NUDT5: variants seen among roughly 807,000 people sequenced by gnomAD.
NUDT5 encodes ADP-sugar pyrophosphatase.
A neutral mutation model predicts 34.1 loss-of-function variants in NUDT5; 21 were observed. The observed-to-expected ratio is 0.62, with a 90% CI of 0.44 to 0.89. The LOEUF (loss-of-function observed/expected upper bound fraction) is 0.89, where lower values mean the gene tolerates loss of function less well. Among genes scored for constraint, NUDT5 ranks in the 40% least tolerant of loss-of-function variants. The pLI, the probability that NUDT5 is intolerant of heterozygous loss-of-function variation, is 0.00. For synonymous variants in NUDT5, 85 were observed against 97.6 expected (o/e 0.87, Z 0.76); for missense variants, 249 against 274.8 (o/e 0.91, Z 0.66).
rs1223525330 is a variant in NUDT5, at chr10:12,170,451, G to T, written c.550+266C>A. On this transcript the variant is annotated intron_variant, in intron 9 of 9. Transcript: ENST00000491614. The surrounding 1 kb of genome is among the most constrained non-coding windows in gnomAD (Gnocchi z 4.9). ...GTAGAATCGTTTTGGCTACTCAGCAGGAATGTCATCTGGGCCATTCTGTAG... is the reference window on the plus strand; with the variant it reads ...GTAGAATCGTTTTGGCTACTCAGCATGAATGTCATCTGGGCCATTCTGTAG... 5 of 615,336 alleles carry T rather than the reference G, an allele frequency of 8.1e-6. No individual in the cohort carries two copies. Among genetic ancestry groups the T allele is most frequent in the Non-Finnish European group, 1.4e-5 (5 of 349,976 alleles). The allele number at this position is 615,336 out of a possible 1,614,324, so 38.1% of individuals were successfully genotyped here.
chr10:12,186,105 G>A lies in NUDT5; in HGVS notation c.63+124C>T, dbSNP rs559768807. 3.4e-5 allele frequency: 27 copies of A among 789,460 alleles called. No individual in the cohort carries two copies. In the African/African-American group the frequency reaches 4.5e-4, roughly 13 times the overall value. The allele number at this position is 789,460 out of a possible 1,614,324, so 48.9% of individuals were successfully genotyped here. ...AATGTGCCCGAGCCCAAAAAAGGGA[G>A]TAGGAAAAATCTTTACAACTGTCTT... On this transcript the variant is annotated intron_variant, in intron 2 of 9. Coordinates refer to ENST00000491614, the MANE Select transcript of NUDT5 (RefSeq NM_014142.4).
chr10:12,174,162 G>A (rs974701014), intron 5 of NUDT5, among the ~76,000 whole-genome samples: 14 of 149,304 alleles, frequency 9.4e-5, no homozygotes, highest in South Asian at 4.3e-4. Flanking sequence ...CACTGCGCCC[G>A]GCTGAACCCC....
intron 1 of NUDT5, among the ~76,000 whole-genome samples, chr10:12,193,224 C>T (rs1357763029): frequency 2.0e-5 from 3 of 151,946 alleles, no homozygotes; most frequent in African/African-American, 2.4e-5. Flanking sequence ...TTAATTTCCA[C>T]GAAGACAGTT....
rs1438493070 is a variant in NUDT5 at position 12,169,753 on chromosome 10, C to A, written c.550+964G>T. On this transcript the variant is annotated intron_variant, in intron 9 of 9. Transcript: ENST00000491614. This position sits in a 1 kb window ranked among gnomAD's most constrained non-coding sequence, Gnocchi z 4.8. ...AGACACATTCAGATTTTCAAACAAA[C>A]AACAGACAATTCAAAACCAGGCGCT... 2.6e-5 allele frequency: 6 copies of A among 234,766 alleles called. No homozygotes were observed. Among genetic ancestry groups the A allele is most frequent in the Non-Finnish European group, 4.9e-5 (6 of 122,606 alleles). 14.5% of individuals were successfully genotyped at this position (234,766 alleles called of 1,614,324 possible). A position where few individuals can be genotyped will look rare whatever the true frequency, so the allele number is the denominator to read the frequency against.
intron 1 of NUDT5, among the ~76,000 whole-genome samples, chr10:12,189,331 C>T (rs1216248520): frequency 6.6e-6 from 1 of 152,174 alleles, no homozygotes; most frequent in Non-Finnish European, 1.5e-5. Flanking sequence ...GCCTCGAACT[C>T]CTGACCTCAG....
Position 12,170,064 on chromosome 10 carries a change from C to A in NUDT5, c.550+653G>T. ...TCTCCATACAGTATCTCCTCGTCTC[C>A]ACACAGTATCTCCTCATGTCTCCAT... On this transcript the variant is annotated intron_variant, in intron 9 of 9. Coordinates refer to ENST00000491614, the MANE Select transcript of NUDT5 (RefSeq NM_014142.4). This position sits in a 1 kb window ranked among gnomAD's most constrained non-coding sequence, Gnocchi z 4.9. The A allele has an allele frequency of 6.3e-7, 1 of 1,584,334 alleles. No individual in the cohort carries two copies. Among genetic ancestry groups the A allele is most frequent in the Non-Finnish European group, 8.7e-7 (1 of 1,154,144 alleles).
rs1029504464 is a variant in NUDT5 at position 12,169,920 on chromosome 10, C to T, written c.550+797G>A. 1.9e-6 allele frequency: 1 copy of T among 513,522 alleles called. No individual in the cohort carries two copies. The highest frequency in any genetic ancestry group is 3.5e-6 in the Non-Finnish European group (1 of 288,498). 31.8% of individuals were successfully genotyped at this position (513,522 alleles called of 1,614,324 possible). ...CAGTAGAAAAATCAGTTATCAATTA[C>T]CTAAAACACTTATACCCAATAAAAT... is the stretch of plus-strand genomic sequence containing the variant. On this transcript the variant is annotated intron_variant, in intron 9 of 9. Transcript: ENST00000491614. The surrounding 1 kb of genome is among the most constrained non-coding windows in gnomAD (Gnocchi z 4.8).
intron 1 of NUDT5, among the ~76,000 whole-genome samples, chr10:12,194,040 C>T (rs935207386): frequency 6.6e-5 from 10 of 152,318 alleles, no homozygotes; most frequent in African/African-American, 2.2e-4. Context: ...ACACGCCCGG[C>T]TAATTTTTGA....
chr10:12,177,495 G>A (rs1023338999), intron 5 of NUDT5, among the ~76,000 whole-genome samples: 1 of 152,216 alleles, frequency 6.6e-6, no homozygotes. Flanking sequence ...CTCCAGCCTG[G>A]GTGATAGAGC....
In NUDT5 at chr10:12,168,388, T is replaced by C. The variant is rs186617001; in HGVS notation, c.551-577A>G. On this transcript the variant is annotated intron_variant, in intron 9 of 9. Transcript: ENST00000491614. The surrounding 1 kb of genome is among the most constrained non-coding windows in gnomAD (Gnocchi z 4.8). Reference sequence around the variant, plus strand: ...GTATAGAGCCAATCGCTATACCTCATTTATAGCTGGGGTAGGGCTTTGCTT... The same window carrying C: ...GTATAGAGCCAATCGCTATACCTCACTTATAGCTGGGGTAGGGCTTTGCTT... Among the ~76,000 whole-genome samples, 3 of 152,184 alleles carry C rather than the reference T, an allele frequency of 2.0e-5. No homozygotes were observed. The highest frequency in any genetic ancestry group is 4.4e-5 in the Non-Finnish European group (3 of 68,026).
At chr10:12,188,728 TAAAAAAAAAAAA>T (rs1230471724) in intron 1 of NUDT5, among the ~76,000 whole-genome samples, 1 of 74,692 alleles carries the variant, frequency 1.3e-5, no homozygotes, top group Non-Finnish European at 2.3e-5. Flanking sequence ...AGACTCCATC[TAAAAAAAAAAAA>T]AAAAAAAAAA....
In NUDT5 at chr10:12,170,148, A is replaced by G. The variant is rs1834824323; in HGVS notation, c.550+569T>C. The G allele has an allele frequency of 6.2e-7, 1 of 1,612,684 alleles. No individual in the cohort carries two copies. On this transcript the variant is annotated intron_variant, in intron 9 of 9. Transcript: ENST00000491614. This position sits in a 1 kb window ranked among gnomAD's most constrained non-coding sequence, Gnocchi z 4.9. The stretch of plus-strand genomic sequence containing the variant: ...TTTTCTCCCCATAAGCTTACTGTTT[A>G]CAAAGTCTCTAAAAGATGGGTGGCC...
chr10:12,169,950 C>T lies in NUDT5; in HGVS notation c.550+767G>A. Reference sequence around the variant, plus strand: ...AACACTTATACCCAATAAAATATTCCCATGATGACAAGTGTCTGCTTCTTT... The same window carrying T: ...AACACTTATACCCAATAAAATATTCTCATGATGACAAGTGTCTGCTTCTTT... On this transcript the variant is annotated intron_variant, in intron 9 of 9. Transcript: ENST00000491614. This position sits in a 1 kb window ranked among gnomAD's most constrained non-coding sequence, Gnocchi z 4.8. 1 of 607,076 alleles carries T rather than the reference C, an allele frequency of 1.6e-6. No homozygotes were observed. Among genetic ancestry groups the T allele is most frequent in the East Asian group, 2.6e-5 (1 of 37,762 alleles). 37.6% of individuals were successfully genotyped at this position (607,076 alleles called of 1,614,324 possible).
chr10:12,169,750 AAAC>A lies in NUDT5; in HGVS notation c.550+964_550+966del. 1 of 231,746 alleles carries A rather than the reference AAAC, an allele frequency of 4.3e-6. No homozygotes were observed. Among genetic ancestry groups the A allele is most frequent in the Non-Finnish European group, 8.3e-6 (1 of 120,628 alleles). The allele number at this position is 231,746 out of a possible 1,614,324, so 14.4% of individuals were successfully genotyped here. ...GAAAGACACATTCAGATTTTCAAAC[AAAC>A]AACAGACAATTCAAAACCAGGCGCT... On this transcript the variant is annotated intron_variant, in intron 9 of 9. Transcript: ENST00000491614. The surrounding 1 kb of genome is among the most constrained non-coding windows in gnomAD (Gnocchi z 4.8).
Position 12,181,641 on chromosome 10 carries a change from C to T in NUDT5, c.132-2509G>A, listed in dbSNP as rs991301930. 6.6e-6 allele frequency among the ~76,000 whole-genome samples: 1 copy of T among 151,908 alleles called. No homozygotes were observed. Among genetic ancestry groups the T allele is most frequent in the Non-Finnish European group, 1.5e-5 (1 of 67,994 alleles). On this transcript the variant is annotated intron_variant, in intron 3 of 9. Coordinates refer to ENST00000491614, the MANE Select transcript of NUDT5 (RefSeq NM_014142.4). This position sits in a 1 kb window ranked among gnomAD's most constrained non-coding sequence, Gnocchi z 5.0. Reference sequence around the variant, plus strand: ...GTCTGCACACATGCCATTTCATGACCCTCTGTGGGAGTACCTGCAGAGGGA... The same window carrying T: ...GTCTGCACACATGCCATTTCATGACTCTCTGTGGGAGTACCTGCAGAGGGA...
intron 5 of NUDT5, among the ~76,000 whole-genome samples, chr10:12,177,474 G>C (rs544926502): frequency 4.6e-5 from 7 of 150,598 alleles, no homozygotes; most frequent in Non-Finnish European, 1.0e-4. Flanking sequence ...AGCCGAGATC[G>C]TGCCACTGCA....
intron 3 of NUDT5, chr10:12,180,337 G>A (rs1835023518): frequency 6.6e-6 from 1 of 152,142 alleles, no homozygotes; most frequent in Non-Finnish European, 1.5e-5. Context: ...TAGTAGCAAG[G>A]AGCTGACCAA....
intron 5 of NUDT5, among the ~76,000 whole-genome samples, chr10:12,174,721 G>A (rs1387644985): frequency 2.0e-5 from 3 of 152,222 alleles, no homozygotes; most frequent in Non-Finnish European, 4.4e-5. Flanking sequence ...TGCACAGCAC[G>A]GGCAGCATCT....
Position 12,170,408 on chromosome 10 carries a change from G to A in NUDT5, c.550+309C>T, listed in dbSNP as rs114728470. 1.9e-3 allele frequency: 1,166 copies of A among 621,784 alleles called. 10 individuals are homozygous for A. The highest frequency in any genetic ancestry group is 0.019 in the African/African-American group (1,009 of 54,262). 38.5% of individuals were successfully genotyped at this position (621,784 alleles called of 1,614,324 possible). A position where few individuals can be genotyped will look rare whatever the true frequency, so the allele number is the denominator to read the frequency against. The stretch of plus-strand genomic sequence containing the variant: ...TCTACCCACACCTTTGCATTGCTAT[G>A]GACTGAAGGTTTAAAGTGTAGAATC... On this transcript the variant is annotated intron_variant, in intron 9 of 9. Coordinates refer to ENST00000491614, the MANE Select transcript of NUDT5 (RefSeq NM_014142.4). This position sits in a 1 kb window ranked among gnomAD's most constrained non-coding sequence, Gnocchi z 4.9.
Sources: gnomAD v4.1 joint callset for allele counts (sites outside exome capture counted in the v4.1 genomes callset) on GRCh38, gnomAD v4.1.1 for gene constraint, Gnocchi (gnomAD v3.1) non-coding constraint, MANE v1.5 for transcripts, NCBI Gene and HGNC (gene_info 2026-07-23, HGNC 2026-07-21) for gene names.